The following VWA5B1 variants were observed in gnomAD, a reference collection of about 807,000 sequenced individuals.
The protein encoded by VWA5B1 is von Willebrand factor A domain containing 5B1.
In VWA5B1, 115 loss-of-function variants were observed where a neutral mutation model predicts 118.2. The ratio of observed to expected loss-of-function variants is 0.97; its 90% confidence interval spans 0.84 to 1.14. The LOEUF is 1.14. VWA5B1 is among the 50% of genes most tolerant of loss of function. VWA5B1 has a pLI of 0.00. For synonymous variants in VWA5B1, 682 were observed against 658.4 expected, an observed-to-expected ratio of 1.04 and a Z score of -0.55; for missense variants, 1,596 against 1,603.8, an observed-to-expected ratio of 1.00 and a Z score of 0.08.
At chr1:20,346,395 T>C (rs2090008710) in intron 17 of VWA5B1, among the ~76,000 whole-genome samples, 1 of 152,236 alleles carries the variant, frequency 6.6e-6, no homozygotes, top group Admixed American at 6.5e-5. Context: ...CTTTCTACTG[T>C]CTCTGAAAAT....
At position 20,355,337 on chromosome 1, in the gene VWA5B1, C is replaced by T. The variant is rs1218604935; in HGVS notation, c.*1074C>T. On this transcript the variant is annotated 3_prime_UTR_variant, in exon 22 of 22. Transcript: ENST00000289815. ...TTCAGGCTGGATCCCCTAGGGGCTT[C>T]CTGCCCTCAAGCCCACTGTGTGATG... Among the ~76,000 whole-genome samples, 1 of 152,182 alleles carries T rather than the reference C, an allele frequency of 6.6e-6. No individual in the cohort carries two copies. Among genetic ancestry groups the T allele is most frequent in the East Asian group, 1.9e-4 (1 of 5,174 alleles).
rs1459316482 is a variant in VWA5B1, at chr1:20,318,736, A to T, written c.841+15A>T. On this transcript the variant is annotated intron_variant, in intron 6 of 21. Coordinates refer to ENST00000289815, the MANE Select transcript of VWA5B1 (RefSeq NM_001039500.3). ...CCACCCCAGCGGTACGGTGCCCCACAACGGGCCCCTGGGCTGCCTGTGGGA... is the reference window on the plus strand; with the variant it reads ...CCACCCCAGCGGTACGGTGCCCCACTACGGGCCCCTGGGCTGCCTGTGGGA... 6.8e-7 allele frequency: 1 copy of T among 1,469,750 alleles called. No individual in the cohort carries two copies. Among genetic ancestry groups the T allele is most frequent in the Non-Finnish European group, 9.1e-7 (1 of 1,103,164 alleles). The allele number at this position is 1,469,750 out of a possible 1,614,324, so 91.0% of individuals were successfully genotyped here.
intron 8 of VWA5B1, among the ~76,000 whole-genome samples, chr1:20,326,610 C>T (rs1034125555): frequency 1.3e-5 from 2 of 152,184 alleles, no homozygotes; most frequent in African/African-American, 2.4e-5. Flanking sequence ...GGATTACAGG[C>T]GTGTACCACC....
At chr1:20,299,103 T>C (rs1431762368) in intron 1 of VWA5B1, among the ~76,000 whole-genome samples, 1 of 152,216 alleles carries the variant, frequency 6.6e-6, no homozygotes, top group Non-Finnish European at 1.5e-5. Context: ...CACATAACTT[T>C]CTTAGCACAG....
At chr1:20,312,088 T>C (rs1299675654) in intron 2 of VWA5B1, among the ~76,000 whole-genome samples, 2 of 152,122 alleles carry the variant, frequency 1.3e-5, no homozygotes, top group African/African-American at 4.8e-5. Context: ...TGTTCCAATA[T>C]TAAGAGGGTA....
chr1:20,351,141 G>A (rs1452647840), intron 20 of VWA5B1, among the ~76,000 whole-genome samples: 2 of 152,158 alleles, frequency 1.3e-5, no homozygotes, highest in African/African-American at 2.4e-5. Context: ...ACACTTCCAA[G>A]ATCTCTTTCC....
Position 20,314,611 on chromosome 1 carries a change from G to T in VWA5B1, c.563+19G>T, listed in dbSNP as rs896723806. 3 of 1,547,194 alleles carry T rather than the reference G, an allele frequency of 1.9e-6. No individual in the cohort carries two copies. Among genetic ancestry groups the T allele is most frequent in the South Asian group, 1.2e-5 (1 of 83,942 alleles). Reference sequence around the variant, plus strand: ...CCCAGGGGTAAGGAAGCCCTGCCCAGACCAATCAGAGTCCCAGGTGGGCAG... The same window carrying T: ...CCCAGGGGTAAGGAAGCCCTGCCCATACCAATCAGAGTCCCAGGTGGGCAG... On this transcript the variant is annotated intron_variant, in intron 4 of 21. Transcript: ENST00000289815.
At position 20,348,333 on chromosome 1, in the gene VWA5B1, T is replaced by G. The variant is rs370784840; in HGVS notation, c.2853T>G (p.Leu951=). ...SSGFGRPQTM[L]GEDSAPGNDM... ...GCTTTGGAAGGCCGCAGACGATGCTTGGAGAAGATTCGGCACCAGGAAATG... is the reference window on the plus strand; with the variant it reads ...GCTTTGGAAGGCCGCAGACGATGCTGGGAGAAGATTCGGCACCAGGAAATG... Residue 951 remains leucine (L), a synonymous_variant, in exon 18 of 22, where the codon CTT becomes CTG. Transcript: ENST00000289815. The G allele has an allele frequency of 4.5e-6, 7 of 1,551,504 alleles. No individual in the cohort carries two copies. Among genetic ancestry groups the G allele is most frequent in the Admixed American group, 2.0e-5 (1 of 50,990 alleles).
At chr1:20,301,644 A>C (rs2088506476) in intron 1 of VWA5B1, among the ~76,000 whole-genome samples, 1 of 152,236 alleles carries the variant, frequency 6.6e-6, no homozygotes, top group Non-Finnish European at 1.5e-5. Context: ...GTGCGCCACC[A>C]GCCGGTGAGC....
chr1:20,338,366 T>C (rs2089781921), intron 14 of VWA5B1: 1 of 314,512 alleles, frequency 3.2e-6, no homozygotes, highest in South Asian at 2.8e-5. Flanking sequence ...TGTTTGTTTG[T>C]TGAGACAGAG....
intron 4 of VWA5B1, among the ~76,000 whole-genome samples, chr1:20,316,599 A>C (rs970801331): frequency 6.6e-6 from 1 of 152,160 alleles, no homozygotes; most frequent in Non-Finnish European, 1.5e-5. Flanking sequence ...GTGCCTGTGG[A>C]GACAGAACAG....
rs1390446435 is a variant in VWA5B1, at chr1:20,330,957, A to T, written c.1546A>T (p.Met516Leu). The T allele has an allele frequency of 5.3e-5, 82 of 1,550,586 alleles. No individual in the cohort carries two copies. Among genetic ancestry groups the T allele is most frequent in the Non-Finnish European group, 7.2e-5 (82 of 1,146,544 alleles). ...SVSEGSAELL[M>L]EGERLQPKMV... ...GTCCGAGGGCAGTGCTGAGCTCCTGATGGAGGGGGAGCGGCTGCAACCCAA... is the reference window on the plus strand; with the variant it reads ...GTCCGAGGGCAGTGCTGAGCTCCTGTTGGAGGGGGAGCGGCTGCAACCCAA... The change falls in exon 11 of 22, where the codon ATG becomes TTG. Residue 516 changes from methionine (M) to leucine (L), a missense_variant. Coordinates refer to ENST00000289815, the MANE Select transcript of VWA5B1 (RefSeq NM_001039500.3).
At position 20,353,816 on chromosome 1, in the gene VWA5B1, G is replaced by A. The variant is rs1408651591; in HGVS notation, c.3201G>A (p.Thr1067=). ...FLLNEAFCEA[T]HIPMEKLKWT... is the part of the protein sequence containing the mutation. ...TCAACGAAGCCTTCTGTGAGGCCAC[G>A]CACATCCCCATGGAGAAGCTCAAGT... is the stretch of plus-strand genomic sequence containing the variant. Residue 1067 remains threonine (T), a synonymous_variant, in exon 22 of 22, where the codon ACG becomes ACA. Coordinates refer to ENST00000289815, the MANE Select transcript of VWA5B1 (RefSeq NM_001039500.3). The A allele has an allele frequency of 1.7e-5, 25 of 1,500,838 alleles. No individual in the cohort carries two copies. The Admixed American group carries it at 2.0e-4, about 12-fold the overall frequency. The allele number at this position is 1,500,838 out of a possible 1,614,324, so 93.0% of individuals were successfully genotyped here.
At chr1:20,296,576 TATC>T (rs1307888746) in intron 1 of VWA5B1, among the ~76,000 whole-genome samples, 1 of 152,268 alleles carries the variant, frequency 6.6e-6, no homozygotes, top group Non-Finnish European at 1.5e-5. Flanking sequence ...AAAAATGTCA[TATC>T]ATGCTAGCAT....
Position 20,355,156 on chromosome 1 carries a change from G to A in VWA5B1, c.*893G>A, listed in dbSNP as rs900692872. Among the ~76,000 whole-genome samples the A allele has an allele frequency of 2.0e-5, 3 of 152,230 alleles. No homozygotes were observed. The highest frequency in any genetic ancestry group is 3.9e-4 in the East Asian group (2 of 5,194). ...AACTGCATCACTTGTACTGAGGCAC[G>A]AGGGAGCCACCACCAAGTAGGTCGC... On this transcript the variant is annotated 3_prime_UTR_variant, in exon 22 of 22. Coordinates refer to ENST00000289815, the MANE Select transcript of VWA5B1 (RefSeq NM_001039500.3).
chr1:20,295,698 G>T (rs2088393465), intron 1 of VWA5B1, among the ~76,000 whole-genome samples: 1 of 152,220 alleles, frequency 6.6e-6, no homozygotes. Context: ...AGGGCAGGCA[G>T]CTGGAGTGAT....
intron 1 of VWA5B1, among the ~76,000 whole-genome samples, chr1:20,308,105 C>T (rs1434792424): frequency 6.6e-6 from 1 of 152,132 alleles, no homozygotes; most frequent in East Asian, 1.9e-4. Flanking sequence ...GTTAAGCTCT[C>T]ACTTACAAGT....
intron 21 of VWA5B1, among the ~76,000 whole-genome samples, chr1:20,353,212 GA>G (rs2090163910): frequency 6.6e-6 from 1 of 152,232 alleles, no homozygotes; most frequent in Non-Finnish European, 1.5e-5. Flanking sequence ...AGGTGGTGCA[GA>G]GCTTTATTGA....
Position 20,354,862 on chromosome 1 carries a change from T to A in VWA5B1, c.*599T>A, listed in dbSNP as rs373512436. On this transcript the variant is annotated 3_prime_UTR_variant, in exon 22 of 22. Transcript: ENST00000289815. ...ATTGGAGAAGCATCCTTCTCAACGC[T>A]TTACAAAAGAGTAGTTTGGGGGCCT... is the stretch of plus-strand genomic sequence containing the variant. The A allele has an allele frequency of 6.6e-6, 1 of 152,532 alleles. No individual in the cohort carries two copies. The highest frequency in any genetic ancestry group is 1.9e-4 in the East Asian group (1 of 5,188). 9.4% of individuals were successfully genotyped at this position (152,532 alleles called of 1,614,324 possible). A position where few individuals can be genotyped will look rare whatever the true frequency, so the allele number is the denominator to read the frequency against.
Sources: allele counts gnomAD v4.1 joint callset (sites outside exome capture counted in the v4.1 genomes callset), GRCh38; gene constraint gnomAD v4.1.1; transcripts MANE v1.5; gene names NCBI Gene and HGNC (gene_info 2026-07-23, HGNC 2026-07-21).